The following ZBTB16 variants were observed in gnomAD, a reference collection of about 807,000 sequenced individuals.
ZBTB16 encodes zinc finger and BTB domain-containing protein 16.
A neutral mutation model predicts 56.8 loss-of-function variants in ZBTB16; 8 were observed. The observed-to-expected ratio is 0.14, with a 90% CI of 0.08 to 0.25. ZBTB16 has a LOEUF of 0.25. ZBTB16 is among the 10% of genes least tolerant of loss of function. ZBTB16 has a pLI of 1.00. For missense variants in ZBTB16, 625 were observed against 903.0 expected (o/e 0.69, Z 3.95); for synonymous variants, 363 against 368.5 (o/e 0.98, Z 0.17).
At chr11:114,091,030 C>T (rs1406001206) in intron 2 of ZBTB16, among the ~76,000 whole-genome samples, 1 of 152,192 alleles carries the variant, frequency 6.6e-6, no homozygotes, top group Non-Finnish European at 1.5e-5. Context: ...TACATCCTCA[C>T]ACCTGGTGAC....
At chr11:114,224,326 A>G (rs779026618) in intron 4 of ZBTB16, among the ~76,000 whole-genome samples, 3 of 152,252 alleles carry the variant, frequency 2.0e-5, no homozygotes, top group Non-Finnish European at 2.9e-5. Flanking sequence ...AGAGGAATCT[A>G]GGATAATGCC....
rs1435730147 is a variant in ZBTB16, at chr11:114,143,999, C to T, written c.1269-12338C>T. Among the ~76,000 whole-genome samples, 2 of 152,104 alleles carry T rather than the reference C, an allele frequency of 1.3e-5. No homozygotes were observed. The highest frequency in any genetic ancestry group is 1.9e-4 in the East Asian group (1 of 5,190). The stretch of plus-strand genomic sequence containing the variant: ...AGGAGCAAGAGGAGCACGCAAGCTG[C>T]CTGGTGCTTTTCCCCATGAAAATGA... On this transcript the variant is annotated intron_variant, in intron 2 of 6. Coordinates refer to ENST00000335953, the MANE Select transcript of ZBTB16 (RefSeq NM_006006.6). The surrounding 1 kb of genome is among the most constrained non-coding windows in gnomAD (Gnocchi z 6.4).
At chr11:114,167,850 A>G (rs1041506052) in intron 3 of ZBTB16, among the ~76,000 whole-genome samples, 8 of 152,164 alleles carry the variant, frequency 5.3e-5, no homozygotes, top group Non-Finnish European at 1.0e-4. Context: ...ACCTGGCTCT[A>G]GTTGTTTTAA....
At chr11:114,098,858 G>T (rs1940509088) in intron 2 of ZBTB16, among the ~76,000 whole-genome samples, 1 of 152,008 alleles carries the variant, frequency 6.6e-6, no homozygotes, top group African/African-American at 2.4e-5. Context: ...TGGGGGAGGG[G>T]TCTTTTCACT....
intron 2 of ZBTB16, among the ~76,000 whole-genome samples, chr11:114,121,304 C>G (rs1941337062): frequency 6.6e-6 from 1 of 152,134 alleles, no homozygotes; most frequent in South Asian, 2.1e-4. Context: ...CACAGTGGTG[C>G]AAGCCAGCTC....
intron 2 of ZBTB16, among the ~76,000 whole-genome samples, chr11:114,134,517 A>G (rs1941749467): frequency 6.6e-6 from 1 of 152,216 alleles, no homozygotes; most frequent in Non-Finnish European, 1.5e-5. Context: ...ATAAATGGGA[A>G]TGGGGTCAGC....
chr11:114,214,082 C>CA (rs1944046521), intron 4 of ZBTB16, among the ~76,000 whole-genome samples: 1 of 152,138 alleles, frequency 6.6e-6, no homozygotes, highest in African/African-American at 2.4e-5. Flanking sequence ...ACTGTGTAAT[C>CA]AGATGCCAGC....
intron 4 of ZBTB16, chr11:114,209,833 T>C: frequency 1.3e-5 from 13 of 985,440 alleles, no homozygotes; most frequent in African/African-American, 1.7e-5. Context: ...CAGAGTTCCT[T>C]CTGGCATCCT....
At chr11:114,235,248 GCA>G (rs1207079864) in intron 4 of ZBTB16, among the ~76,000 whole-genome samples, 1 of 152,188 alleles carries the variant, frequency 6.6e-6, no homozygotes, top group East Asian at 1.9e-4. Flanking sequence ...ACACGGGCAT[GCA>G]CACACCCCAG....
rs1944947514 is a variant in ZBTB16, at chr11:114,253,307, A to G, written c.*2752A>G. 6.6e-6 allele frequency among the ~76,000 whole-genome samples: 1 copy of G among 152,154 alleles called. No individual in the cohort carries two copies. Among genetic ancestry groups the G allele is most frequent in the Non-Finnish European group, 1.5e-5 (1 of 68,020 alleles). ...CCATTCATAAAAGCTGAGAGGGTTG[A>G]GCTAATCTTCACAAATTGTAATATT... is the stretch of plus-strand genomic sequence containing the variant. On this transcript the variant is annotated 3_prime_UTR_variant, in exon 7 of 7. Transcript: ENST00000335953.
intron 3 of ZBTB16, among the ~76,000 whole-genome samples, chr11:114,163,948 G>C (rs778222551): frequency 6.6e-6 from 1 of 152,048 alleles, no homozygotes; most frequent in Non-Finnish European, 1.5e-5. Flanking sequence ...GTAGAGCATC[G>C]AGGCTTTAGA....
intron 2 of ZBTB16, among the ~76,000 whole-genome samples, chr11:114,103,238 A>C (rs1940676374): frequency 6.6e-6 from 1 of 152,128 alleles, no homozygotes; most frequent in Non-Finnish European, 1.5e-5. Context: ...TGGAGTGTGC[A>C]GGGAGGGAAT....
intron 4 of ZBTB16, among the ~76,000 whole-genome samples, chr11:114,238,424 T>C (rs1233690220): frequency 1.3e-5 from 2 of 152,012 alleles, no homozygotes; most frequent in Non-Finnish European, 2.9e-5. Context: ...GGTGCCAGCA[T>C]GTTCAGGTTC....
chr11:114,190,051 C>G (rs951357013), intron 4 of ZBTB16, among the ~76,000 whole-genome samples: 2 of 152,110 alleles, frequency 1.3e-5, no homozygotes, highest in African/African-American at 4.8e-5. Context: ...TGAACATGCT[C>G]CATGAAAGAA....
chr11:114,098,514 G>T (rs1169473928), intron 2 of ZBTB16, among the ~76,000 whole-genome samples: 2 of 148,564 alleles, frequency 1.3e-5, no homozygotes, highest in Non-Finnish European at 3.0e-5. Context: ...TTTGCAGCTT[G>T]GGATATATAA....
chr11:114,134,458 T>TA (rs1941748036), intron 2 of ZBTB16, among the ~76,000 whole-genome samples: 1 of 152,174 alleles, frequency 6.6e-6, no homozygotes, highest in Non-Finnish European at 1.5e-5. Context: ...TAGAAGCTCA[T>TA]TTGTCTCTTA....
intron 4 of ZBTB16, among the ~76,000 whole-genome samples, chr11:114,218,266 T>C (rs1485837655): frequency 2.0e-5 from 3 of 152,198 alleles, no homozygotes; most frequent in Non-Finnish European, 4.4e-5. Context: ...CCTTTGCACA[T>C]GTGTCTCTCT....
chr11:114,148,256 A>T (rs914769682), intron 2 of ZBTB16, among the ~76,000 whole-genome samples: 5 of 151,838 alleles, frequency 3.3e-5, no homozygotes, highest in African/African-American at 1.2e-4. Flanking sequence ...GGCTCAGGAC[A>T]GTTCCCTCCA....
At chr11:114,111,954 C>T (rs367765943) in intron 2 of ZBTB16, among the ~76,000 whole-genome samples, 7 of 151,958 alleles carry the variant, frequency 4.6e-5, no homozygotes, top group South Asian at 2.1e-4. Flanking sequence ...GGCTTCCAGA[C>T]GCACTTCAAT....
Sources: allele counts gnomAD v4.1 joint callset (sites outside exome capture counted in the v4.1 genomes callset), GRCh38; gene constraint gnomAD v4.1.1; non-coding constraint Gnocchi (gnomAD v3.1); transcripts MANE v1.5; gene names NCBI Gene and HGNC (gene_info 2026-07-23, HGNC 2026-07-21).